Variants in PUDP observed in about 807,000 individuals in gnomAD.
PUDP encodes pseudouridine 5'-phosphatase, also known as pseudouridine-5'-phosphatase.
A neutral mutation model predicts 9.4 loss-of-function variants in PUDP; 8 were observed. The observed-to-expected ratio is 0.85, with a 90% CI of 0.50 to 1.53. The LOEUF is 1.53. PUDP is among the 40% of genes most tolerant of loss of function. The pLI is 0.00. For missense variants in PUDP, 188 were observed against 189.7 expected, an observed-to-expected ratio of 0.99 and a Z score of 0.05; for synonymous variants, 99 against 80.7, an observed-to-expected ratio of 1.23 and a Z score of -1.22.
At chrX:7,055,445 G>A (rs1420449502) in intron 3 of PUDP, among the ~76,000 whole-genome samples, 1 of 110,330 alleles carries the variant, frequency 9.1e-6, no homozygotes, top group East Asian at 2.8e-4. Flanking sequence ...TAATAGAGAT[G>A]GGGTTTCGCC....
intron 3 of PUDP, among the ~76,000 whole-genome samples, chrX:6,866,879 G>A (rs1003415075): frequency 3.6e-5 from 4 of 111,456 alleles, no homozygotes; most frequent in African/African-American, 9.8e-5. Flanking sequence ...TACAGACAGC[G>A]GGACATCACC....
intron 3 of PUDP, among the ~76,000 whole-genome samples, chrX:6,754,534 A>T (rs961092510): frequency 9.1e-6 from 1 of 110,081 alleles, no homozygotes; most frequent in Non-Finnish European, 1.9e-5. Flanking sequence ...GTCATACATT[A>T]TAAATTATAT....
chrX:6,930,520 A>C (rs758819020), intron 3 of PUDP, among the ~76,000 whole-genome samples: 1 of 111,605 alleles, frequency 9.0e-6, no homozygotes, highest in Non-Finnish European at 1.9e-5. Flanking sequence ...ATATGGTCTA[A>C]AAGCGGGAGG....
chrX:7,094,021 A>T (rs1348355473), intron 2 of PUDP, among the ~76,000 whole-genome samples: 1 of 111,147 alleles, frequency 9.0e-6, no homozygotes, highest in Non-Finnish European at 1.9e-5. Context: ...AGGTGGGAGG[A>T]TCGCTTGGGT....
intron 1 of PUDP, chrX:7,113,299 A>C (rs768984483): frequency 8.8e-6 from 1 of 113,117 alleles, no homozygotes; most frequent in African/African-American, 3.2e-5. Flanking sequence ...CAAAAGTTTC[A>C]CCATTTACAC....
chrX:6,850,669 A>G (rs1389382774), intron 3 of PUDP, among the ~76,000 whole-genome samples: 19 of 112,613 alleles, frequency 1.7e-4, no homozygotes, highest in African/African-American at 5.8e-4. Flanking sequence ...GGAGTCTTAT[A>G]ATATATTTGC....
chrX:6,893,418 C>T (rs1215363476), intron 3 of PUDP, among the ~76,000 whole-genome samples: 2 of 111,574 alleles, frequency 1.8e-5, no homozygotes, highest in African/African-American at 6.5e-5. Flanking sequence ...TTGTTTTTAC[C>T]ATTTTCCCCC....
intron 3 of PUDP, among the ~76,000 whole-genome samples, chrX:6,761,425 T>C (rs1925227252): frequency 8.9e-6 from 1 of 112,159 alleles, no homozygotes; most frequent in African/African-American, 3.2e-5. Flanking sequence ...TTGTGAACAC[T>C]TGGACTATTT....
chrX:6,741,852 T>A (rs202215216), intron 3 of PUDP, among the ~76,000 whole-genome samples: 3 of 104,650 alleles, frequency 2.9e-5, no homozygotes, highest in African/African-American at 1.1e-4. Context: ...CTTTCTTTCT[T>A]TTTCTTTCTT....
At chrX:6,959,504 A>G (rs780948136) in intron 3 of PUDP, among the ~76,000 whole-genome samples, 51 of 112,475 alleles carry the variant, frequency 4.5e-4, no homozygotes, top group Non-Finnish European at 4.1e-4. Context: ...CTGTGCAGGC[A>G]TGGCTTCCGC....
chrX:6,992,474 T>A (rs1029577850), intron 1 of PUDP, among the ~76,000 whole-genome samples: 18 of 107,746 alleles, frequency 1.7e-4, no homozygotes, highest in African/African-American at 5.7e-4. Context: ...GGGTTTCACC[T>A]TGTTAGCCAG....
intron 1 of PUDP, 113 bp from the exon 2 acceptor site, chrX:7,105,951 T>C (rs1329186786): frequency 8.2e-6 from 4 of 486,029 alleles, no homozygotes; most frequent in Non-Finnish European, 1.3e-5. Context: ...CAAAGGCTTT[T>C]GTGGAGACCT....
intron 1 of PUDP, among the ~76,000 whole-genome samples, chrX:7,026,812 C>T (rs753642968): frequency 2.7e-5 from 3 of 111,678 alleles, no homozygotes; most frequent in East Asian, 2.8e-4. Flanking sequence ...GGTACACAGA[C>T]GATGTCCCAC....
intron 2 of PUDP, among the ~76,000 whole-genome samples, chrX:7,094,458 G>A (rs1162699641): frequency 9.4e-6 from 1 of 106,751 alleles, no homozygotes; most frequent in Non-Finnish European, 1.9e-5. Flanking sequence ...GCGGGTTCAC[G>A]CCTTTCTCCT....
chrX:6,830,559 C>G (rs1270979067), intron 3 of PUDP, among the ~76,000 whole-genome samples: 1 of 111,918 alleles, frequency 8.9e-6, no homozygotes, highest in Non-Finnish European at 1.9e-5. Context: ...TATCGAATAT[C>G]TAAGGATTCA....
At chrX:6,817,013 AC>A (rs778937507) in intron 3 of PUDP, among the ~76,000 whole-genome samples, 138 of 93,964 alleles carry the variant, frequency 1.5e-3, no homozygotes, top group East Asian at 0.011. Context: ...ATATATATAC[AC>A]ATATAGTATA....
chrX:6,943,994 T>G (rs1928431177), intron 3 of PUDP, among the ~76,000 whole-genome samples: 1 of 111,965 alleles, frequency 8.9e-6, no homozygotes, highest in African/African-American at 3.2e-5. Context: ...TGGTCATTTT[T>G]GTGGAGCCAA....
chrX:7,069,442 C>T (rs904653392), intron 3 of PUDP, among the ~76,000 whole-genome samples: 2 of 110,423 alleles, frequency 1.8e-5, no homozygotes, highest in African/African-American at 6.6e-5. Flanking sequence ...AACCAGGGGC[C>T]GGGCACCTCA....
chrX:7,054,856 G>A (rs144278681), intron 3 of PUDP, among the ~76,000 whole-genome samples: 3 of 112,230 alleles, frequency 2.7e-5, no homozygotes, highest in Non-Finnish European at 5.6e-5. Context: ...AAAGCTGATA[G>A]AATAGTCAGC....
Sources: gnomAD v4.1 joint callset for allele counts (sites outside exome capture counted in the v4.1 genomes callset) on GRCh38, gnomAD v4.1.1 for gene constraint, MANE v1.5 for transcripts, NCBI Gene and HGNC (gene_info 2026-07-23, HGNC 2026-07-21) for gene names.